ESRRG: variants seen among roughly 807,000 people sequenced by gnomAD.
ESRRG encodes estrogen-related receptor gamma.
ESRRG carries 13 observed loss-of-function variants against 44.0 expected under a neutral mutation model. The ratio of observed to expected loss-of-function variants is 0.30; its 90% CI spans 0.19 to 0.47. ESRRG has a LOEUF of 0.47. Ranked by LOEUF, ESRRG falls within the 20% of genes least tolerant of loss-of-function variation. The pLI is 1.00. For synonymous variants in ESRRG, 215 were observed against 214.6 expected (o/e 1.00, Z -0.02); for missense variants, 395 against 580.6 (o/e 0.68, Z 3.29).
chr1:217,099,534 G>C (rs1580571697), intron 1 of ESRRG, among the ~76,000 whole-genome samples: 1 of 152,084 alleles, frequency 6.6e-6, no homozygotes, highest in South Asian at 2.1e-4. Flanking sequence ...TTGTACCAAG[G>C]ACCAATACAT....
chr1:217,025,097 A>G (rs1477135420), intron 1 of ESRRG, among the ~76,000 whole-genome samples: 1 of 152,192 alleles, frequency 6.6e-6, no homozygotes, highest in Admixed American at 6.5e-5. Context: ...AGGGACCAGG[A>G]GCAATGCTGA....
At chr1:216,636,170 C>A (rs2065253805) in intron 3 of ESRRG, among the ~76,000 whole-genome samples, 1 of 152,156 alleles carries the variant, frequency 6.6e-6, no homozygotes, top group South Asian at 2.1e-4. Flanking sequence ...TTAGCAAATT[C>A]TATGATCTTA....
intron 3 of ESRRG, among the ~76,000 whole-genome samples, chr1:216,580,618 T>C (rs2062581424): frequency 6.6e-6 from 1 of 152,228 alleles, no homozygotes; most frequent in Non-Finnish European, 1.5e-5. Context: ...ATTCCCTTCC[T>C]GAGACATTTT....
At chr1:216,711,853 T>G (rs992703887) in intron 1 of ESRRG, among the ~76,000 whole-genome samples, 1 of 152,232 alleles carries the variant, frequency 6.6e-6, no homozygotes. Flanking sequence ...GATTATGGAA[T>G]ATGAATGGTA....
At chr1:217,133,657 T>TTCTTTCTCTCTCTC (rs2093004371) in intron 1 of ESRRG, among the ~76,000 whole-genome samples, 1 of 59,064 alleles carries the variant, frequency 1.7e-5, no homozygotes, top group African/African-American at 7.7e-5. Flanking sequence ...CTTTCTTTCT[T>TTCTTTCTCTCTCTC]TCTTTCTTTC....
intron 1 of ESRRG, among the ~76,000 whole-genome samples, chr1:216,941,159 T>C (rs2065164912): frequency 6.6e-6 from 1 of 152,158 alleles, no homozygotes; most frequent in Non-Finnish European, 1.5e-5. Context: ...AAGAGCCTGT[T>C]AAAAAGCTGT....
chr1:216,569,343 A>T (rs2060367943), intron 3 of ESRRG, among the ~76,000 whole-genome samples: 1 of 152,178 alleles, frequency 6.6e-6, no homozygotes, highest in Non-Finnish European at 1.5e-5. Context: ...ATGTCGAAGG[A>T]AGTGAATGTT....
At chr1:217,025,506 T>A (rs551945399) in intron 1 of ESRRG, among the ~76,000 whole-genome samples, 8 of 152,348 alleles carry the variant, frequency 5.3e-5, no homozygotes, top group African/African-American at 1.9e-4. Flanking sequence ...ATTTAACTCT[T>A]TTTCAAAGAC....
chr1:216,787,879 A>G (rs1268156847), intron 2 of ESRRG, among the ~76,000 whole-genome samples: 1 of 151,814 alleles, frequency 6.6e-6, no homozygotes, highest in Non-Finnish European at 1.5e-5. Flanking sequence ...GCTCACATGG[A>G]GAAAGTTTGA....
At chr1:216,696,312 A>C (rs1015288390) in intron 1 of ESRRG, among the ~76,000 whole-genome samples, 1 of 152,206 alleles carries the variant, frequency 6.6e-6, no homozygotes, top group Non-Finnish European at 1.5e-5. Flanking sequence ...TTTAATATCA[A>C]TATTTTATAG....
intron 1 of ESRRG, among the ~76,000 whole-genome samples, chr1:217,049,776 G>A (rs1264104455): frequency 6.6e-6 from 1 of 152,152 alleles, no homozygotes; most frequent in African/African-American, 2.4e-5. Flanking sequence ...ATCAGCCAGT[G>A]TCATTCGTGA....
chr1:216,913,104 T>G (rs1014574782), intron 2 of ESRRG, among the ~76,000 whole-genome samples: 1 of 119,398 alleles, frequency 8.4e-6, no homozygotes, highest in African/African-American at 3.4e-5. Flanking sequence ...AGAGCGAGAC[T>G]CTGTCTCAAA....
rs2078627931 is a variant in ESRRG at position 217,011,618 on chromosome 1, G to T, written c.-105-71945C>A. 8.2e-5 allele frequency among the ~76,000 whole-genome samples: 3 copies of T among 36,626 alleles called. No individual in the cohort carries two copies. The South Asian group carries it at 1.7e-3, about 21-fold the overall frequency. 24.0% of individuals were successfully genotyped at this position (36,626 alleles called of 152,430 possible). A position where few individuals can be genotyped will look rare whatever the true frequency, so the allele number is the denominator to read the frequency against. ...TTCAGTAGGTCCAGTCGAGAAACTA[G>T]CCTGGGATTGCTTTGGGATTGGTTT... On this transcript the variant is annotated intron_variant, in intron 1 of 7. Coordinates refer to the ESRRG transcript ENST00000359162.
chr1:216,934,295 G>C (rs539577627), intron 2 of ESRRG, among the ~76,000 whole-genome samples: 1 of 152,072 alleles, frequency 6.6e-6, no homozygotes, highest in South Asian at 2.1e-4. Flanking sequence ...TTAGCCGGAC[G>C]TGGTGGCAGG....
chr1:216,516,814 T>C (rs1305499031), intron 6 of ESRRG, among the ~76,000 whole-genome samples: 1 of 152,132 alleles, frequency 6.6e-6, no homozygotes, highest in African/African-American at 2.4e-5. Flanking sequence ...CAATCTTGGA[T>C]CTATAACTTT....
intron 2 of ESRRG, among the ~76,000 whole-genome samples, chr1:216,859,989 T>G (rs770647694): frequency 3.9e-5 from 6 of 152,078 alleles, no homozygotes; most frequent in Non-Finnish European, 7.4e-5. Context: ...AAAGGCCAGG[T>G]GCAGTGGCTC....
At chr1:216,553,233 C>T (rs1253696052) in intron 5 of ESRRG, among the ~76,000 whole-genome samples, 2 of 152,174 alleles carry the variant, frequency 1.3e-5, no homozygotes, top group African/African-American at 2.4e-5. Flanking sequence ...CACAAACGTG[C>T]TGACTGGTGG....
chr1:216,638,268 G>A (rs2065703874), intron 3 of ESRRG, among the ~76,000 whole-genome samples: 1 of 152,148 alleles, frequency 6.6e-6, no homozygotes, highest in Non-Finnish European at 1.5e-5. Flanking sequence ...TCTGATGTAT[G>A]TATAATTACA....
chr1:216,585,916 T>C (rs1446755097), intron 3 of ESRRG, among the ~76,000 whole-genome samples: 1 of 152,064 alleles, frequency 6.6e-6, no homozygotes, highest in Non-Finnish European at 1.5e-5. Context: ...TGTGGGTGCC[T>C]GTAGTCTCAG....
Sources: allele counts gnomAD v4.1 joint callset (sites outside exome capture counted in the v4.1 genomes callset), GRCh38; gene constraint gnomAD v4.1.1; transcripts MANE v1.5; gene names NCBI Gene and HGNC (gene_info 2026-07-23, HGNC 2026-07-21).